SLC4A4: variants seen among roughly 807,000 people sequenced by gnomAD.
SLC4A4 encodes electrogenic sodium bicarbonate cotransporter 1.
A neutral mutation model predicts 111.5 loss-of-function variants in SLC4A4; 27 were observed. The observed-to-expected ratio is 0.24, with a 90% confidence interval of 0.18 to 0.33. SLC4A4 has a LOEUF of 0.33. Among genes scored for constraint, SLC4A4 ranks in the 10% least tolerant of loss-of-function variants. SLC4A4 has a pLI of 1.00. For synonymous variants in SLC4A4, 443 were observed against 463.4 expected (o/e 0.96, Z 0.57); for missense variants, 909 against 1,315.5 (o/e 0.69, Z 4.78).
chr4:71,390,976 C>G (rs555433423), intron 6 of SLC4A4, among the ~76,000 whole-genome samples: 1 of 152,094 alleles, frequency 6.6e-6, no homozygotes, highest in South Asian at 2.1e-4. Context: ...ACCTAGTACT[C>G]AAAAAGATTA....
At chr4:71,532,219 C>A in intron 17 of SLC4A4, 44 bp downstream of exon 17, 1 of 1,055,060 alleles carries the variant, frequency 9.5e-7, no homozygotes, top group Non-Finnish European at 1.5e-6. Context: ...AACTCTTTTT[C>A]TTTCTTTCCC....
intron 1 of SLC4A4, among the ~76,000 whole-genome samples, chr4:71,073,332 G>A (rs1379582013): frequency 6.6e-6 from 1 of 152,050 alleles, no homozygotes; most frequent in East Asian, 1.9e-4. Context: ...GGTGAGAGCG[G>A]TCATCTTTGA....
In SLC4A4 at chr4:71,571,745, C is replaced by T. The variant is rs144720176; in HGVS notation, c.*3994C>T. On this transcript the variant is annotated 3_prime_UTR_variant, in exon 26 of 26. Transcript: ENST00000264485. ...TTTTCATGGCTGGTACATATTCGTA[C>T]GCATTACTTTTCAGAATCAATACGC... 8.4e-4 allele frequency: 128 copies of T among 152,260 alleles called. No homozygotes were observed. Among genetic ancestry groups the T allele is most frequent in the East Asian group, 7.8e-4 (4 of 5,128 alleles). 9.4% of individuals were successfully genotyped at this position (152,260 alleles called of 1,614,324 possible).
intron 7 of SLC4A4, chr4:71,434,675 C>A (rs1441061796): frequency 6.6e-6 from 1 of 152,112 alleles, no homozygotes; most frequent in Non-Finnish European, 1.5e-5. Flanking sequence ...AAAACTCCAT[C>A]ATCTCAGGCC....
At chr4:71,247,803 A>G (rs1021920497) in intron 2 of SLC4A4, among the ~76,000 whole-genome samples, 4 of 151,966 alleles carry the variant, frequency 2.6e-5, no homozygotes, top group Non-Finnish European at 5.9e-5. Flanking sequence ...GTGTCGGGAT[A>G]AGTGGAGGGT....
intron 7 of SLC4A4, among the ~76,000 whole-genome samples, chr4:71,411,788 C>T (rs769310656): frequency 6.6e-6 from 1 of 152,144 alleles, no homozygotes. Flanking sequence ...TTATATGCTA[C>T]GTTTTATTTT....
intron 2 of SLC4A4, among the ~76,000 whole-genome samples, chr4:71,133,939 TC>T (rs1326489467): frequency 1.3e-5 from 2 of 152,150 alleles, no homozygotes; most frequent in African/African-American, 4.8e-5. Context: ...ACCATTGATT[TC>T]CCCATGAAGT....
At chr4:71,225,524 T>A (rs1452561013) in intron 1 of SLC4A4, among the ~76,000 whole-genome samples, 1 of 152,166 alleles carries the variant, frequency 6.6e-6, no homozygotes, top group Non-Finnish European at 1.5e-5. Flanking sequence ...GACTGACATG[T>A]AGCAAGAACT....
chr4:71,358,244 G>T (rs1400980708), intron 6 of SLC4A4, among the ~76,000 whole-genome samples: 1 of 151,942 alleles, frequency 6.6e-6, no homozygotes, highest in Non-Finnish European at 1.5e-5. Context: ...AAACCCGGGA[G>T]GGGGAGGTTG....
intron 24 of SLC4A4, among the ~76,000 whole-genome samples, chr4:71,564,963 C>T (rs957026692): frequency 2.0e-5 from 3 of 151,692 alleles, no homozygotes; most frequent in East Asian, 2.0e-4. Flanking sequence ...ATGAGATTGC[C>T]GTCAGAGCTG....
intron 12 of SLC4A4, among the ~76,000 whole-genome samples, chr4:71,464,780 G>T (rs1727161365): frequency 1.3e-5 from 2 of 152,096 alleles, no homozygotes; most frequent in African/African-American, 4.8e-5. Context: ...ATGTGCTATT[G>T]CTAATGTCAA....
At chr4:71,424,369 A>C (rs1037570265) in intron 7 of SLC4A4, among the ~76,000 whole-genome samples, 2 of 151,814 alleles carry the variant, frequency 1.3e-5, no homozygotes, top group East Asian at 3.9e-4. Flanking sequence ...GTGGAGAAAT[A>C]GGAACACTTT....
intron 3 of SLC4A4, among the ~76,000 whole-genome samples, chr4:71,290,442 A>C (rs1186084110): frequency 6.6e-6 from 1 of 152,204 alleles, no homozygotes; most frequent in Non-Finnish European, 1.5e-5. Flanking sequence ...TGCTAACTGA[A>C]GCATAGAGGT....
At chr4:71,429,465 T>C (rs1037423503) in intron 7 of SLC4A4, among the ~76,000 whole-genome samples, 4 of 152,084 alleles carry the variant, frequency 2.6e-5, no homozygotes, top group Admixed American at 2.6e-4. Context: ...AGGCAAAATA[T>C]ATACTTCTGA....
chr4:71,449,899 T>G (rs955529500), intron 9 of SLC4A4, among the ~76,000 whole-genome samples: 3 of 152,184 alleles, frequency 2.0e-5, no homozygotes, highest in Non-Finnish European at 4.4e-5. Flanking sequence ...ATAACCCAGA[T>G]TTTTCTTTTT....
In SLC4A4 at chr4:71,179,341, G is replaced by C. The variant is rs564272121; in HGVS notation, c.-1-57235G>C. ...ACCACTCCTATTCAACATAGTGTTG[G>C]AAGTTCTGGCCAGGGCAATCAGGCA... On this transcript the variant is annotated intron_variant, in intron 2 of 26. Transcript: ENST00000649996. Among the ~76,000 whole-genome samples, 1,047 of 152,238 alleles carry C rather than the reference G, an allele frequency of 6.9e-3. 7 individuals carry two copies. The highest frequency in any genetic ancestry group is 0.014 in the Middle Eastern group (4 of 294).
chr4:71,190,427 CACAG>C (rs879361125), intron 1 of SLC4A4, among the ~76,000 whole-genome samples: 2,921 of 137,330 alleles, frequency 0.021, 32 homozygotes, highest in South Asian at 0.035. Flanking sequence ...CACACACACA[CACAG>C]ACACAACTCA....
At chr4:71,359,661 T>A (rs1730583734) in intron 6 of SLC4A4, among the ~76,000 whole-genome samples, 1 of 152,220 alleles carries the variant, frequency 6.6e-6, no homozygotes, top group South Asian at 2.1e-4. Flanking sequence ...AATAAATTTC[T>A]AACTAAAATT....
intron 7 of SLC4A4, among the ~76,000 whole-genome samples, chr4:71,416,476 C>T (rs1386137492): frequency 6.6e-6 from 1 of 152,134 alleles, no homozygotes. Context: ...GTACTGAGTT[C>T]ACTTATTTTC....
Sources: allele counts gnomAD v4.1 joint callset (sites outside exome capture counted in the v4.1 genomes callset), GRCh38; gene constraint gnomAD v4.1.1; transcripts MANE v1.5; gene names NCBI Gene and HGNC (gene_info 2026-07-23, HGNC 2026-07-21).